ARHGAP24: variants seen among roughly 807,000 people sequenced by gnomAD.
The protein encoded by ARHGAP24 is rho GTPase-activating protein 24.
ARHGAP24 carries 50 observed loss-of-function variants against 76.4 expected under a neutral mutation model. That is an observed-to-expected ratio of 0.65 (90% CI 0.52 to 0.83). ARHGAP24 has a LOEUF of 0.83. Ranked by LOEUF, ARHGAP24 falls within the 40% of genes least tolerant of loss-of-function variation. The pLI, the probability that ARHGAP24 is intolerant of heterozygous loss-of-function variation, is 0.00. For synonymous variants in ARHGAP24, 345 were observed against 323.3 expected, an observed-to-expected ratio of 1.07 and a Z score of -0.72; for missense variants, 930 against 914.2, an observed-to-expected ratio of 1.02 and a Z score of -0.22.
chr4:85,929,882 C>G (rs887548769), intron 4 of ARHGAP24, among the ~76,000 whole-genome samples: 2 of 152,234 alleles, frequency 1.3e-5, no homozygotes, highest in Admixed American at 6.5e-5. Context: ...AAAGTTTACC[C>G]CCTGGGGGTT....
chr4:85,505,571 T>C (rs1160346397), intron 1 of ARHGAP24, among the ~76,000 whole-genome samples: 1 of 152,204 alleles, frequency 6.6e-6, no homozygotes, highest in Non-Finnish European at 1.5e-5. Flanking sequence ...TTCAGCTCTG[T>C]CAGGTCATTT....
At chr4:85,874,983 T>TTTATATATAAATATATTTTTATATAA (rs1732786299) in intron 3 of ARHGAP24, among the ~76,000 whole-genome samples, 1 of 116,814 alleles carries the variant, frequency 8.6e-6, no homozygotes, top group Non-Finnish European at 1.6e-5. Context: ...TTTTATATAA[T>TTTATATATAAATATATTTTTATATAA]TTATATATAA....
intron 3 of ARHGAP24, among the ~76,000 whole-genome samples, chr4:85,823,592 G>C (rs1026515298): frequency 4.6e-5 from 7 of 152,200 alleles, no homozygotes; most frequent in Non-Finnish European, 1.0e-4. Context: ...AGGCAGCTGG[G>C]TGCCTGAGGG....
chr4:85,924,242 A>C (rs1735894424), intron 4 of ARHGAP24, among the ~76,000 whole-genome samples: 1 of 152,178 alleles, frequency 6.6e-6, no homozygotes, highest in African/African-American at 2.4e-5. Flanking sequence ...CAGATCAGTT[A>C]AGTGTTGGTA....
At chr4:85,692,222 A>G (rs892238939) in intron 2 of ARHGAP24, among the ~76,000 whole-genome samples, 7 of 152,226 alleles carry the variant, frequency 4.6e-5, no homozygotes, top group Non-Finnish European at 1.0e-4. Flanking sequence ...GGTTCCCTCT[A>G]TATGTGATCT....
At chr4:85,609,753 A>G (rs1578074813) in intron 2 of ARHGAP24, among the ~76,000 whole-genome samples, 1 of 152,186 alleles carries the variant, frequency 6.6e-6, no homozygotes, top group East Asian at 1.9e-4. Flanking sequence ...GTCTTAATGG[A>G]TATATACATT....
intron 2 of ARHGAP24, among the ~76,000 whole-genome samples, chr4:85,617,364 C>T (rs1227290535): frequency 6.6e-6 from 1 of 151,428 alleles, no homozygotes; most frequent in African/African-American, 2.4e-5. Flanking sequence ...CAACAGTTGC[C>T]CTCCCAGCAA....
At position 85,593,141 on chromosome 4, in the gene ARHGAP24, A is replaced by G. The variant is rs185145662; in HGVS notation, c.180+22420A>G. On this transcript the variant is annotated intron_variant, in intron 2 of 9. Coordinates refer to ENST00000395184, the MANE Select transcript of ARHGAP24 (RefSeq NM_001025616.3). ...TGTTATTGCCTGTCTTTTGGATAAA[A>G]GCCAATTTAACTGGTGAGATGATAT... is the stretch of plus-strand genomic sequence containing the variant. Among the ~76,000 whole-genome samples the G allele has an allele frequency of 5.5e-4, 84 of 152,192 alleles. 1 individual carries two copies. The South Asian group carries it at 0.012, about 21-fold the overall frequency.
At chr4:85,783,411 C>A (rs7671252) in intron 3 of ARHGAP24, among the ~76,000 whole-genome samples, 145,280 of 152,210 alleles carry the variant, frequency 0.95, 69,688 homozygotes, top group East Asian at 1. Flanking sequence ...TTACATATGA[C>A]TTTGCTCATT....
chr4:85,548,893 A>G (rs1726018451), intron 1 of ARHGAP24, among the ~76,000 whole-genome samples: 1 of 152,078 alleles, frequency 6.6e-6, no homozygotes, highest in South Asian at 2.1e-4. Flanking sequence ...CCTCATCTAG[A>G]ACTTCTATTT....
intron 2 of ARHGAP24, among the ~76,000 whole-genome samples, chr4:85,711,251 G>A (rs1030988733): frequency 3.3e-5 from 5 of 152,000 alleles, no homozygotes; most frequent in Non-Finnish European, 7.4e-5. Flanking sequence ...GGAGGATAAA[G>A]GGTGGAAGGA....
chr4:85,574,655 A>G (rs1052783185), intron 2 of ARHGAP24, among the ~76,000 whole-genome samples: 2 of 152,222 alleles, frequency 1.3e-5, no homozygotes, highest in Non-Finnish European at 2.9e-5. Flanking sequence ...TACTCAAACT[A>G]CACAACTATG....
At chr4:85,882,875 C>T (rs576193355) in intron 3 of ARHGAP24, among the ~76,000 whole-genome samples, 1 of 152,092 alleles carries the variant, frequency 6.6e-6, no homozygotes, top group African/African-American at 2.4e-5. Context: ...TTGCCCAGAG[C>T]AGATTAGAGA....
chr4:85,869,655 G>A (rs866019917), intron 3 of ARHGAP24, among the ~76,000 whole-genome samples: 4 of 152,096 alleles, frequency 2.6e-5, no homozygotes, highest in African/African-American at 9.7e-5. Context: ...CAAAGGAATA[G>A]CTTTCATTTT....
At chr4:85,489,247 C>T (rs1229333811) in intron 1 of ARHGAP24, among the ~76,000 whole-genome samples, 1 of 152,128 alleles carries the variant, frequency 6.6e-6, no homozygotes. Flanking sequence ...CTGCCTTGAC[C>T]AGTCAAATAA....
intron 9 of ARHGAP24, 41 bp downstream of exon 9, chr4:85,995,698 A>T (rs1289212354): frequency 6.3e-7 from 1 of 1,575,434 alleles, no homozygotes. Flanking sequence ...GAGAGGGCTC[A>T]GTAGCCTCCT....
chr4:85,606,238 G>A (rs556158266), intron 2 of ARHGAP24, among the ~76,000 whole-genome samples: 1 of 152,312 alleles, frequency 6.6e-6, no homozygotes, highest in South Asian at 2.1e-4. Context: ...GCCAGGCCGG[G>A]CGCGGTGGCT....
At chr4:85,856,731 A>C (rs2110170675) in intron 3 of ARHGAP24, among the ~76,000 whole-genome samples, 1 of 152,138 alleles carries the variant, frequency 6.6e-6, no homozygotes, top group South Asian at 2.1e-4. Context: ...TGGCCTCCTA[A>C]AGTTCTAGGA....
At chr4:85,878,545 G>A (rs1733066159) in intron 3 of ARHGAP24, among the ~76,000 whole-genome samples, 2 of 152,116 alleles carry the variant, frequency 1.3e-5, no homozygotes, top group Admixed American at 1.3e-4. Context: ...ATTAATAGAT[G>A]AAAGTCAATC....
Sources: gnomAD v4.1 joint callset for allele counts (sites outside exome capture counted in the v4.1 genomes callset) on GRCh38, gnomAD v4.1.1 for gene constraint, MANE v1.5 for transcripts, NCBI Gene and HGNC (gene_info 2026-07-23, HGNC 2026-07-21) for gene names.